TMEFF1: variants seen among roughly 807,000 people sequenced by gnomAD.
The protein encoded by TMEFF1 is transmembrane protein with EGF like and two follistatin like domains 1.
A neutral mutation model predicts 47.5 loss-of-function variants in TMEFF1; 20 were observed. The ratio of observed to expected loss-of-function variants is 0.42; its 90% CI spans 0.30 to 0.61. The LOEUF is 0.61. Among genes scored for constraint, TMEFF1 ranks in the 20% least tolerant of loss-of-function variants. The probability of loss-of-function intolerance (pLI) is 0.19; values close to 1 mark genes in which losing one functional copy is unlikely to be tolerated. For synonymous variants in TMEFF1, 162 were observed against 166.3 expected (o/e 0.97, Z 0.20); for missense variants, 411 against 471.1 (o/e 0.87, Z 1.18).
chr9:100,561,255 C>G, intron 7 of TMEFF1, 142 bp from the exon 8 acceptor site: 5 of 1,407,512 alleles, frequency 3.6e-6, no homozygotes, highest in Non-Finnish European at 4.7e-6. Flanking sequence ...TATCTAACCC[C>G]CTATCTGATA....
intron 1 of TMEFF1, among the ~76,000 whole-genome samples, chr9:100,484,677 C>G (rs1837415409): frequency 6.6e-6 from 1 of 151,610 alleles, no homozygotes; most frequent in Non-Finnish European, 1.5e-5. Context: ...TCATCCAGCC[C>G]TAGGCAACCA....
intron 2 of TMEFF1, among the ~76,000 whole-genome samples, chr9:100,505,362 A>G (rs761700981): frequency 1.5e-5 from 2 of 129,740 alleles, no homozygotes; most frequent in Non-Finnish European, 3.2e-5. Context: ...CAGTGAGCCT[A>G]GATTGCACCA....
chr9:100,488,097 GATTA>G (rs753625554), intron 1 of TMEFF1, among the ~76,000 whole-genome samples: 80 of 152,074 alleles, frequency 5.3e-4, no homozygotes, highest in Non-Finnish European at 9.6e-4. Context: ...CTTGTGTTTA[GATTA>G]ATTATTGATT....
At chr9:100,569,753 C>T (rs1839190580) in intron 8 of TMEFF1, among the ~76,000 whole-genome samples, 2 of 152,296 alleles carry the variant, frequency 1.3e-5, no homozygotes, top group South Asian at 4.1e-4. Context: ...TCCAATCAAG[C>T]TGATTAACAT....
intron 8 of TMEFF1, among the ~76,000 whole-genome samples, chr9:100,571,570 G>A (rs1443830219): frequency 6.6e-6 from 1 of 151,668 alleles, no homozygotes; most frequent in African/African-American, 2.4e-5. Context: ...ATATCATGTT[G>A]TACATCAGTG....
intron 1 of TMEFF1, among the ~76,000 whole-genome samples, chr9:100,480,049 G>C (rs1837311063): frequency 6.6e-6 from 1 of 152,154 alleles, no homozygotes; most frequent in South Asian, 2.1e-4. Context: ...CTGTCTGTTT[G>C]ATTTTGGCCA....
Position 100,509,080 on chromosome 9 carries a change from G to T in TMEFF1, c.382G>T (p.Ala128Ser). The T allele has an allele frequency of 1.2e-6, 2 of 1,600,138 alleles. No individual in the cohort carries two copies. The highest frequency in any genetic ancestry group is 1.7e-6 in the Non-Finnish European group (2 of 1,174,220). The change falls in exon 3 of 10, where the codon GCT becomes TCT. Residue 128 changes from alanine to serine, a missense_variant. Ala to Ser is a moderately conservative substitution (Grantham distance 99, BLOSUM62 1). Transcript: ENST00000374879. ...YQNECFLRRAACKHQKEITVI... is the reference protein window; with the variant it reads ...YQNECFLRRASCKHQKEITVI... ...AAATGAATGCTTTCTCAGAAGGGCT[G>T]CTTGTAAGCACCAGAAAGAGATAAC...
Position 100,576,985 on chromosome 9 carries a change from C to A in TMEFF1, c.*385C>A. ...AGATGTTTACAGATTACTTTTCTTA[C>A]AAAAAAAATCTAGAAGACACTGTGT... On this transcript the variant is annotated 3_prime_UTR_variant, in exon 10 of 10. Transcript: ENST00000374879. 6.3e-6 allele frequency: 1 copy of A among 157,608 alleles called. No individual in the cohort carries two copies. 9.8% of individuals were successfully genotyped at this position (157,608 alleles called of 1,614,324 possible). A position where few individuals can be genotyped will look rare whatever the true frequency, so the allele number is the denominator to read the frequency against.
chr9:100,570,907 GC>G (rs1839227395), intron 8 of TMEFF1, among the ~76,000 whole-genome samples: 1 of 152,092 alleles, frequency 6.6e-6, no homozygotes, highest in Admixed American at 6.5e-5. Flanking sequence ...CTCACTGAAG[GC>G]TGGCTAATTT....
intron 5 of TMEFF1, among the ~76,000 whole-genome samples, chr9:100,537,580 G>A (rs1838542692): frequency 6.6e-6 from 1 of 152,214 alleles, no homozygotes. Flanking sequence ...CAGGGGCAAT[G>A]TAACAATAAG....
At chr9:100,564,774 T>C (rs1839090237) in intron 8 of TMEFF1, among the ~76,000 whole-genome samples, 1 of 152,144 alleles carries the variant, frequency 6.6e-6, no homozygotes, top group Non-Finnish European at 1.5e-5. Context: ...GGAAAGTAGA[T>C]TAGAAAATTT....
chr9:100,563,526 G>T (rs1839062653), intron 8 of TMEFF1, among the ~76,000 whole-genome samples: 1 of 152,212 alleles, frequency 6.6e-6, no homozygotes, highest in Admixed American at 6.5e-5. Context: ...TATTAGCTGT[G>T]TGTTCTTTGG....
chr9:100,534,320 T>G (rs1838462775), intron 5 of TMEFF1, among the ~76,000 whole-genome samples: 1 of 152,172 alleles, frequency 6.6e-6, no homozygotes, highest in Non-Finnish European at 1.5e-5. Context: ...GGCTTTTAGA[T>G]TTCCTTCATA....
At chr9:100,560,148 C>A (rs1436721698) in intron 7 of TMEFF1, among the ~76,000 whole-genome samples, 1 of 151,568 alleles carries the variant, frequency 6.6e-6, no homozygotes, top group Non-Finnish European at 1.5e-5. Flanking sequence ...TTATTAATAC[C>A]TTTTATTTGT....
In TMEFF1 at chr9:100,567,227, G is replaced by A. The variant is rs150220774; in HGVS notation, c.900-5291G>A. 3.3e-3 allele frequency among the ~76,000 whole-genome samples: 506 copies of A among 152,276 alleles called. 3 individuals are homozygous for A. Among genetic ancestry groups the A allele is most frequent in the African/African-American group, 0.011 (475 of 41,558 alleles). ...ATGCATGGATGCTCCCACTTTAGGG[G>A]ACTTGCACTGGCTCTTCCTTTGCCT... On this transcript the variant is annotated intron_variant, in intron 8 of 9. Coordinates refer to ENST00000374879, the MANE Select transcript of TMEFF1 (RefSeq NM_003692.5).
chr9:100,537,375 A>C (rs561073473), intron 5 of TMEFF1, among the ~76,000 whole-genome samples: 24 of 152,360 alleles, frequency 1.6e-4, no homozygotes, highest in Middle Eastern at 3.4e-3. Flanking sequence ...CTTATATTCA[A>C]TATAATGATT....
chr9:100,552,927 T>C (rs1251705119), intron 7 of TMEFF1, among the ~76,000 whole-genome samples: 1 of 151,578 alleles, frequency 6.6e-6, no homozygotes, highest in African/African-American at 2.4e-5. Flanking sequence ...GACCAGTGAC[T>C]ACCATATGGG....
rs1198764938 is a variant in TMEFF1, at chr9:100,518,449, A to G, written c.560+1678A>G. The G allele has an allele frequency of 4.1e-6, 4 of 985,318 alleles. 1 individual carries two copies. Among genetic ancestry groups the G allele is most frequent in the Admixed American group, 1.2e-4 (2 of 16,270 alleles). 61.0% of individuals were successfully genotyped at this position (985,318 alleles called of 1,614,324 possible). A position where few individuals can be genotyped will look rare whatever the true frequency, so the allele number is the denominator to read the frequency against. On this transcript the variant is annotated intron_variant, in intron 5 of 9. Transcript: ENST00000374879. ...CAGCTCTAAGCATAAGGAAGTGGAC[A>G]TAGACCATGGAAGGGCTTACCAATA...
rs559159378 is a variant in TMEFF1, at chr9:100,577,159, A to G, written c.*559A>G. 6.5e-6 allele frequency: 1 copy of G among 152,796 alleles called. No homozygotes were observed. The highest frequency in any genetic ancestry group is 1.9e-4 in the East Asian group (1 of 5,196). 9.5% of individuals were successfully genotyped at this position (152,796 alleles called of 1,614,324 possible). A position where few individuals can be genotyped will look rare whatever the true frequency, so the allele number is the denominator to read the frequency against. ...TTTGATTATTCCTCCCTTTGAAAAAATAGTCCTAATAATTTGAACAAATAT... is the reference window on the plus strand; with the variant it reads ...TTTGATTATTCCTCCCTTTGAAAAAGTAGTCCTAATAATTTGAACAAATAT... On this transcript the variant is annotated 3_prime_UTR_variant, in exon 10 of 10. Transcript: ENST00000374879.
Sources: gnomAD v4.1 joint callset for allele counts (sites outside exome capture counted in the v4.1 genomes callset) on GRCh38, gnomAD v4.1.1 for gene constraint, MANE v1.5 for transcripts, NCBI Gene and HGNC (gene_info 2026-07-23, HGNC 2026-07-21) for gene names.